Variants in OR56A3 observed in about 807,000 individuals in gnomAD.
OR56A3 encodes olfactory receptor 56A3.
A neutral mutation model predicts 17.5 loss-of-function variants in OR56A3; 23 were observed. That is an observed-to-expected ratio of 1.32 (90% confidence interval 0.95 to 1.87). The LOEUF is 1.87. Among genes scored for constraint, OR56A3 ranks in the 40% most tolerant of loss-of-function variants. The pLI is 0.00. For synonymous variants in OR56A3, 175 were observed against 150.6 expected, an observed-to-expected ratio of 1.16 and a Z score of -1.19; for missense variants, 366 against 380.1, an observed-to-expected ratio of 0.96 and a Z score of 0.31.
chr11:5,946,919 G>A (rs751630706), intron 2 of OR56A3, among the ~76,000 whole-genome samples: 26 of 152,216 alleles, frequency 1.7e-4, no homozygotes, highest in Admixed American at 4.6e-4. Context: ...TGAGCTTATT[G>A]CAATAGTCAA....
chr11:5,986,443 C>G, the OR56A3 span: 4 of 1,613,990 alleles, frequency 2.5e-6, no homozygotes, highest in Non-Finnish European at 3.4e-6. Flanking sequence ...CACCACCATT[C>G]CGATGCGCCC....
chr11:5,988,925 C>T, the OR56A3 span, among the ~76,000 whole-genome samples: 3 of 152,102 alleles, frequency 2.0e-5, no homozygotes, highest in African/African-American at 4.8e-5. Flanking sequence ...TGCACATGTG[C>T]GTGTAAAGAT....
the OR56A3 span, chr11:6,019,883 T>C: frequency 6.6e-6 from 1 of 152,100 alleles, no homozygotes; most frequent in Non-Finnish European, 1.5e-5. Context: ...GAGACCTTGA[T>C]CCCTCTCTTG....
the OR56A3 span, chr11:6,002,625 T>C: frequency 1.4e-5 from 22 of 1,614,078 alleles, no homozygotes; most frequent in Non-Finnish European, 1.8e-5. Flanking sequence ...ATAACGGTCA[T>C]AGGCCATGAC....
the OR56A3 span, among the ~76,000 whole-genome samples, chr11:5,988,629 C>A: frequency 1.3e-5 from 2 of 152,124 alleles, no homozygotes; most frequent in East Asian, 3.8e-4. Context: ...TAGAAGATGA[C>A]TGAGAATTAG....
At chr11:5,964,647 C>T in the OR56A3 span, among the ~76,000 whole-genome samples, 2 of 152,194 alleles carry the variant, frequency 1.3e-5, no homozygotes, top group Non-Finnish European at 2.9e-5. Context: ...ATTTGGAGTC[C>T]AAGGCTACTA....
the OR56A3 span, among the ~76,000 whole-genome samples, chr11:6,011,442 C>G: frequency 5.5e-4 from 84 of 152,228 alleles, no homozygotes; most frequent in Non-Finnish European, 8.8e-4. Context: ...TTCTCTCTTT[C>G]TCTGGATCAA....
the OR56A3 span, among the ~76,000 whole-genome samples, chr11:5,996,565 A>T: frequency 6.6e-6 from 1 of 151,618 alleles, no homozygotes; most frequent in African/African-American, 2.4e-5. Flanking sequence ...AAATTTCTAG[A>T]TTCCTCCAAA....
the OR56A3 span, among the ~76,000 whole-genome samples, chr11:5,966,380 T>A: frequency 6.6e-6 from 1 of 151,644 alleles, no homozygotes; most frequent in African/African-American, 2.4e-5. Context: ...TCTCCCTATC[T>A]CAAAAAAAGA....
the OR56A3 span, chr11:5,994,551 CCTCGAT>C: frequency 1.0e-6 from 1 of 963,676 alleles, no homozygotes; most frequent in African/African-American, 1.6e-5. Context: ...TCCTTGAGAG[CCTCGAT>C]CTCTGTCTCC....
At chr11:5,978,666 G>A in the OR56A3 span, among the ~76,000 whole-genome samples, 1 of 152,072 alleles carries the variant, frequency 6.6e-6, no homozygotes, top group Admixed American at 6.6e-5. Flanking sequence ...TGTGAAGAGA[G>A]ATAGTTTGAC....
the OR56A3 span, among the ~76,000 whole-genome samples, chr11:5,975,098 CA>C: frequency 6.6e-6 from 1 of 152,158 alleles, no homozygotes; most frequent in Admixed American, 6.5e-5. Context: ...ATACTGTCAT[CA>C]GTATAAAGAG....
At chr11:5,994,129 G>A in the OR56A3 span, 7 of 497,370 alleles carry the variant, frequency 1.4e-5, no homozygotes, top group African/African-American at 3.9e-5. Context: ...TGCCAGCTCC[G>A]ACTCCAGGTG....
the OR56A3 span, among the ~76,000 whole-genome samples, chr11:5,958,090 C>G: frequency 2.0e-5 from 3 of 152,132 alleles, no homozygotes; most frequent in Admixed American, 2.0e-4. Flanking sequence ...TGTAGCAAAT[C>G]TGTGAGCATC....
At chr11:5,972,810 G>T in the OR56A3 span, among the ~76,000 whole-genome samples, 1 of 152,106 alleles carries the variant, frequency 6.6e-6, no homozygotes, top group African/African-American at 2.4e-5. Context: ...TGTATTTTTA[G>T]TAGAGACAGG....
chr11:6,002,679 A>T, the OR56A3 span: 22 of 1,614,122 alleles, frequency 1.4e-5, no homozygotes, highest in Non-Finnish European at 1.9e-5. Context: ...GTTCATGATG[A>T]ACATCTGGAG....
chr11:5,994,492 T>C, the OR56A3 span: 1 of 769,198 alleles, frequency 1.3e-6, no homozygotes. Context: ...CAATCTGAGC[T>C]TGTAGGCCTT....
chr11:5,959,077 T>C, the OR56A3 span, among the ~76,000 whole-genome samples: 1 of 152,196 alleles, frequency 6.6e-6, no homozygotes, highest in Non-Finnish European at 1.5e-5. Context: ...TGAATAGTGA[T>C]GCAAAAAACA....
chr11:6,003,207 T>C, the OR56A3 span: 2 of 1,086,774 alleles, frequency 1.8e-6, no homozygotes, highest in African/African-American at 3.2e-5. Context: ...TTATATTCAT[T>C]ATCTCATTTC....
Sources: allele counts gnomAD v4.1 joint callset (sites outside exome capture counted in the v4.1 genomes callset), GRCh38; gene constraint gnomAD v4.1.1; transcripts MANE v1.5; gene names NCBI Gene and HGNC (gene_info 2026-07-23, HGNC 2026-07-21).